Variants in BICC1 observed in about 807,000 individuals in gnomAD.
BICC1 encodes the protein BicC family RNA binding protein 1.
In BICC1, 43 loss-of-function variants were observed where a neutral mutation model predicts 111.0. That is an observed-to-expected ratio of 0.39 (90% CI 0.30 to 0.50). The LOEUF (loss-of-function observed/expected upper bound fraction) is 0.50. Among genes scored for constraint, BICC1 ranks in the 20% least tolerant of loss-of-function variants. The probability of loss-of-function intolerance (pLI) is 0.88; values close to 1 mark genes in which losing one functional copy is unlikely to be tolerated. For synonymous variants in BICC1, 467 were observed against 434.4 expected, an observed-to-expected ratio of 1.07 and a Z score of -0.93; for missense variants, 1,091 against 1,203.2, an observed-to-expected ratio of 0.91 and a Z score of 1.38.
At chr10:58,612,446 T>C (rs2132110917) in intron 1 of BICC1, among the ~76,000 whole-genome samples, 1 of 152,334 alleles carries the variant, frequency 6.6e-6, no homozygotes, top group South Asian at 2.1e-4. Flanking sequence ...ATAGCTCTTT[T>C]AGCATATGGA....
Position 58,716,165 on chromosome 10 carries a change from G to A in BICC1, c.307+14022G>A, listed in dbSNP as rs1165180375. ...GAATCAGAGTATATTGAGGAGGTGC[G>A]AGCAAAAAAGAAGAAAAGCAGTGAA... On this transcript the variant is annotated intron_variant, in intron 3 of 20. Coordinates refer to ENST00000373886, the MANE Select transcript of BICC1 (RefSeq NM_001080512.3). The A allele has an allele frequency of 1.3e-5, 20 of 1,500,806 alleles. No individual in the cohort carries two copies. In the Admixed American group the frequency reaches 2.4e-4, roughly 18 times the overall value. The allele number at this position is 1,500,806 out of a possible 1,614,324, so 93.0% of individuals were successfully genotyped here.
At position 58,567,363 on chromosome 10, in the gene BICC1, T is replaced by C. The variant is rs147398308; in HGVS notation, c.191-53492T>C. On this transcript the variant is annotated intron_variant, in intron 1 of 20. Transcript: ENST00000373886. ...ATTTTTTCTCCCTTTAGGAAAGTTA[T>C]GAAGAGAAAGAAAAGACAGTGATTT... Among the ~76,000 whole-genome samples, 608 of 152,112 alleles carry C rather than the reference T, an allele frequency of 4.0e-3. 3 individuals are homozygous for C. Among genetic ancestry groups the C allele is most frequent in the Non-Finnish European group, 6.6e-3 (451 of 68,012 alleles).
intron 2 of BICC1, among the ~76,000 whole-genome samples, chr10:58,639,719 A>ATTTTTTTTTTTTTTTTTTTTTTTTTT (rs71033694): frequency 3.2e-5 from 3 of 93,182 alleles, no homozygotes; most frequent in African/African-American, 4.2e-5. Context: ...GCCCGGCCAA[A>ATTTTTTTTTTTTTTTTTTTTTTTTTT]TTTTTTTTTT....
chr10:58,752,093 A>C (rs1842006052), intron 3 of BICC1, among the ~76,000 whole-genome samples: 3 of 152,272 alleles, frequency 2.0e-5, no homozygotes, highest in Non-Finnish European at 2.9e-5. Context: ...TTTTTAAAAT[A>C]TCTCTTCAGC....
At chr10:58,748,510 C>CT (rs1841898202) in intron 3 of BICC1, among the ~76,000 whole-genome samples, 1 of 152,100 alleles carries the variant, frequency 6.6e-6, no homozygotes, top group South Asian at 2.1e-4. Context: ...CATTGTTTCT[C>CT]TAAGTTTGTA....
At chr10:58,731,992 G>C (rs1199395573) in intron 3 of BICC1, among the ~76,000 whole-genome samples, 1 of 152,156 alleles carries the variant, frequency 6.6e-6, no homozygotes, top group East Asian at 1.9e-4. Flanking sequence ...CACTGGAGTG[G>C]CACTTTTCAT....
intron 1 of BICC1, among the ~76,000 whole-genome samples, chr10:58,572,565 G>A (rs1012379488): frequency 6.6e-6 from 1 of 152,062 alleles, no homozygotes; most frequent in Non-Finnish European, 1.5e-5. Flanking sequence ...AATCTAGTGT[G>A]AAAATAGTGT....
At chr10:58,781,582 A>G (rs752208969) in intron 3 of BICC1, among the ~76,000 whole-genome samples, 6 of 152,166 alleles carry the variant, frequency 3.9e-5, no homozygotes, top group Non-Finnish European at 7.4e-5. Flanking sequence ...CTGTTATGCC[A>G]TCTTCTAACC....
Position 58,789,808 on chromosome 10 carries a change from A to G in BICC1, c.922A>G (p.Lys308Glu). The change falls in exon 8 of 21, where the codon AAA (lysine) becomes GAA (glutamate). Residue 308 changes from lysine (K) to glutamate (E), a missense_variant. Physicochemically the swap from Lys to Glu is moderately conservative, Grantham distance 56. Coordinates refer to ENST00000373886, the MANE Select transcript of BICC1 (RefSeq NM_001080512.3). ...FMMGRNGSNIKHIMQRTGAQI... is the reference protein window; with the variant it reads ...FMMGRNGSNIEHIMQRTGAQI... Reference sequence around the variant, plus strand: ...GATGGGTCGAAATGGGAGCAACATCAAACATATCATGCAGAGAACAGGTGC... The same window carrying G: ...GATGGGTCGAAATGGGAGCAACATCGAACATATCATGCAGAGAACAGGTGC... 6.2e-7 allele frequency: 1 copy of G among 1,614,172 alleles called. No homozygotes were observed. The highest frequency in any genetic ancestry group is 2.2e-5 in the East Asian group (1 of 44,870).
At chr10:58,817,192 C>T (rs1844120767) in intron 18 of BICC1, among the ~76,000 whole-genome samples, 1 of 152,104 alleles carries the variant, frequency 6.6e-6, no homozygotes, top group South Asian at 2.1e-4. Context: ...ACTTTCCATA[C>T]CTTTATTTTG....
In BICC1 at chr10:58,799,183, T is replaced by G; in HGVS notation, c.1656T>G (p.Val552=). ...APSPPPGLTP[V]DVHINSMQTE... is the part of the protein sequence containing the mutation. Reference sequence around the variant, plus strand: ...CTCCCCCTCCTGGCTTGACTCCTGTTGATGTCCATATCAACAGTATGCAGA... The same window carrying G: ...CTCCCCCTCCTGGCTTGACTCCTGTGGATGTCCATATCAACAGTATGCAGA... The change falls in exon 12 of 21, where the codon GTT becomes GTG. Residue 552 remains valine, a synonymous_variant. Transcript: ENST00000373886. 1 of 1,613,836 alleles carries G rather than the reference T, an allele frequency of 6.2e-7. No homozygotes were observed. Among genetic ancestry groups the G allele is most frequent in the East Asian group, 2.2e-5 (1 of 44,790 alleles).
intron 1 of BICC1, among the ~76,000 whole-genome samples, chr10:58,595,158 GA>G (rs904079987): frequency 9.2e-5 from 14 of 152,160 alleles, no homozygotes; most frequent in African/African-American, 3.4e-4. Context: ...GCAGCAAGAA[GA>G]GCTAACTATC....
rs1843736532 is a variant in BICC1 at position 58,807,211 on chromosome 10, A to G, written c.2376+53A>G. 20 of 1,543,524 alleles carry G rather than the reference A, an allele frequency of 1.3e-5. No individual in the cohort carries two copies. In the South Asian group the frequency reaches 2.2e-4, roughly 17 times the overall value. ...TTCCTGTCTGTTCTTTCAGCAAAAG[A>G]GGACAGTCCTTCCCCCACCCTCATT... On this transcript the variant is annotated intron_variant, in intron 17 of 20. Coordinates refer to ENST00000373886, the MANE Select transcript of BICC1 (RefSeq NM_001080512.3).
At chr10:58,803,843 A>G (rs1484873496) in intron 15 of BICC1, among the ~76,000 whole-genome samples, 2 of 152,228 alleles carry the variant, frequency 1.3e-5, no homozygotes, top group Non-Finnish European at 1.5e-5. Flanking sequence ...ATTACTCAGA[A>G]TAGACTATTG....
chr10:58,675,395 A>G (rs1454683018), intron 2 of BICC1, among the ~76,000 whole-genome samples: 7 of 152,198 alleles, frequency 4.6e-5, no homozygotes, highest in Admixed American at 4.6e-4. Context: ...TGAATGGATA[A>G]AGAAATTGTG....
chr10:58,709,426 A>G (rs1171987473), intron 3 of BICC1, among the ~76,000 whole-genome samples: 2 of 152,248 alleles, frequency 1.3e-5, no homozygotes, highest in Non-Finnish European at 2.9e-5. Context: ...TTAGTAGGTC[A>G]TGATATAAAA....
intron 2 of BICC1, among the ~76,000 whole-genome samples, chr10:58,698,211 C>T (rs1840122808): frequency 6.6e-6 from 1 of 152,104 alleles, no homozygotes; most frequent in South Asian, 2.1e-4. Flanking sequence ...GTCATGAATT[C>T]AAGTCAGTTT....
At chr10:58,662,613 T>C (rs1223511372) in intron 2 of BICC1, among the ~76,000 whole-genome samples, 1 of 152,188 alleles carries the variant, frequency 6.6e-6, no homozygotes, top group Non-Finnish European at 1.5e-5. Flanking sequence ...TATCTCGTAT[T>C]ACAATGAGAA....
intron 3 of BICC1, among the ~76,000 whole-genome samples, chr10:58,782,157 C>T (rs1842899890): frequency 6.6e-6 from 1 of 152,106 alleles, no homozygotes; most frequent in Non-Finnish European, 1.5e-5. Flanking sequence ...TCTGTTGATG[C>T]AAAGATGGTG....
Sources: gnomAD v4.1 joint callset for allele counts (sites outside exome capture counted in the v4.1 genomes callset) on GRCh38, gnomAD v4.1.1 for gene constraint, MANE v1.5 for transcripts, NCBI Gene and HGNC (gene_info 2026-07-23, HGNC 2026-07-21) for gene names.